TNRC18: variants seen among roughly 807,000 people sequenced by gnomAD.
The protein encoded by TNRC18 is trinucleotide repeat-containing gene 18 protein.
In TNRC18, 69 loss-of-function variants were observed where a neutral mutation model predicts 226.7. The ratio of observed to expected loss-of-function variants is 0.30; its 90% CI spans 0.25 to 0.37. The LOEUF (loss-of-function observed/expected upper bound fraction) is 0.37. Ranked by LOEUF, TNRC18 falls within the 10% of genes least tolerant of loss-of-function variation. The probability of loss-of-function intolerance (pLI) is 1.00; values close to 1 mark genes in which losing one functional copy is unlikely to be tolerated. For synonymous variants in TNRC18, 2,449 were observed against 1,927.6 expected (o/e 1.27, Z -7.09); for missense variants, 4,754 against 4,256.6 (o/e 1.12, Z -3.25).
Position 5,335,946 on chromosome 7 carries a change from C to G in TNRC18, c.5720-2897G>C, listed in dbSNP as rs112077506. On this transcript the variant is annotated intron_variant, in intron 18 of 29. Coordinates refer to ENST00000430969, the MANE Select transcript of TNRC18 (RefSeq NM_001080495.3). ...ACAAGGCCATTCACAGTGGCTCACA[C>G]CTATAATCCCAGCACTTTGGGAGGC... Among the ~76,000 whole-genome samples, 486 of 151,968 alleles carry G rather than the reference C, an allele frequency of 3.2e-3. 1 individual carries two copies. Among genetic ancestry groups the G allele is most frequent in the African/African-American group, 0.011 (475 of 41,464 alleles).
intron 2 of TNRC18, among the ~76,000 whole-genome samples, chr7:5,416,683 C>G (rs1782210556): frequency 6.6e-6 from 1 of 151,072 alleles, no homozygotes; most frequent in Non-Finnish European, 1.5e-5. Context: ...CGGTAAAACT[C>G]CGTCTCTACT....
intron 18 of TNRC18, among the ~76,000 whole-genome samples, chr7:5,336,979 C>CT (rs1489911598): frequency 6.6e-6 from 1 of 152,116 alleles, no homozygotes; most frequent in Non-Finnish European, 1.5e-5. Context: ...TCCTCAATAG[C>CT]TGAAATCTTC....
chr7:5,336,049 A>C lies in TNRC18; in HGVS notation c.5720-3000T>G, dbSNP rs113917585. Among the ~76,000 whole-genome samples, 348 of 152,118 alleles carry C rather than the reference A, an allele frequency of 2.3e-3. 2 individuals are homozygous for C. The highest frequency in any genetic ancestry group is 7.9e-3 in the African/African-American group (327 of 41,504). ...TGGCAAAACCCCATCTCTACAAAAA[A>C]TACAAAAATTATCTGGGCGTGGTGG... is the stretch of plus-strand genomic sequence containing the variant. On this transcript the variant is annotated intron_variant, in intron 18 of 29. Coordinates refer to ENST00000430969, the MANE Select transcript of TNRC18 (RefSeq NM_001080495.3).
Position 5,325,471 on chromosome 7 carries a change from T to C in TNRC18, c.6148-223A>G, listed in dbSNP as rs1583777878. ...CGGAGTCTCGCTCTGTCACCGAGGC[T>C]GGAGCGCAGTGGCGCGATCTTGGCT... On this transcript the variant is annotated intron_variant, in intron 19 of 29. Coordinates refer to ENST00000430969, the MANE Select transcript of TNRC18 (RefSeq NM_001080495.3). The C allele has an allele frequency of 1.0e-5, 5 of 492,406 alleles. No homozygotes were observed. In the East Asian group the frequency reaches 1.7e-4, roughly 16 times the overall value. 30.5% of individuals were successfully genotyped at this position (492,406 alleles called of 1,614,324 possible). A position where few individuals can be genotyped will look rare whatever the true frequency, so the allele number is the denominator to read the frequency against.
intron 27 of TNRC18, among the ~76,000 whole-genome samples, chr7:5,310,242 C>A (rs923608733): frequency 4.6e-5 from 7 of 151,794 alleles, no homozygotes; most frequent in South Asian, 2.1e-4. Flanking sequence ...TATTATTATT[C>A]TTTTTGAGAT....
chr7:5,345,517 G>GCCCACCC lies in TNRC18; in HGVS notation c.5719+44_5719+45insGGGTGGG. On this transcript the variant is annotated intron_variant, in intron 18 of 29. Coordinates refer to ENST00000430969, the MANE Select transcript of TNRC18 (RefSeq NM_001080495.3). ...CCTGTGGGATGGGGCAATGGCGTCCGCCCCTCCCACCCACCCCCACCGCAG... is the reference window on the plus strand; with the variant it reads ...CCTGTGGGATGGGGCAATGGCGTCCGCCCACCCCCCCTCCCACCCACCCCCACCGCAG... 9 of 377,744 alleles carry GCCCACCC rather than the reference G, an allele frequency of 2.4e-5. 1 individual carries two copies. The highest frequency in any genetic ancestry group is 8.8e-5 in the South Asian group (2 of 22,822). 23.4% of individuals were successfully genotyped at this position (377,744 alleles called of 1,614,324 possible). A position where few individuals can be genotyped will look rare whatever the true frequency, so the allele number is the denominator to read the frequency against.
Position 5,316,507 on chromosome 7 carries a change from G to A in TNRC18, c.6746-435C>T, listed in dbSNP as rs553426892. Among the ~76,000 whole-genome samples, 44 of 152,074 alleles carry A rather than the reference G, an allele frequency of 2.9e-4. No individual in the cohort carries two copies. The East Asian group carries it at 5.6e-3, about 19-fold the overall frequency. On this transcript the variant is annotated intron_variant, in intron 24 of 29. Coordinates refer to ENST00000430969, the MANE Select transcript of TNRC18 (RefSeq NM_001080495.3). ...TTGGTCAGGCTGGTCTCGAACTCCC[G>A]ACCTCAGGTGATCCGCCCACCTCAG...
chr7:5,368,947 A>C (rs962041142), intron 11 of TNRC18, among the ~76,000 whole-genome samples: 1 of 151,978 alleles, frequency 6.6e-6, no homozygotes, highest in Non-Finnish European at 1.5e-5. Flanking sequence ...CTCTTTGAGA[A>C]CTACCCTCCC....
intron 2 of TNRC18, among the ~76,000 whole-genome samples, chr7:5,404,820 GT>G (rs1407334460): frequency 7.3e-5 from 11 of 150,908 alleles, no homozygotes. Context: ...TCTCTAAAAA[GT>G]ATACAGAAAT....
intron 2 of TNRC18, chr7:5,420,752 C>G (rs1242788359): frequency 8.1e-6 from 5 of 619,124 alleles, no homozygotes; most frequent in Non-Finnish European, 1.5e-5. Flanking sequence ...TTTGAAAACT[C>G]CAGCCCAGGC....
chr7:5,350,083 C>T (rs953383051), intron 17 of TNRC18, among the ~76,000 whole-genome samples: 21 of 149,796 alleles, frequency 1.4e-4, no homozygotes, highest in African/African-American at 5.2e-4. Flanking sequence ...GCGGAAACCG[C>T]GGCTTTAAGG....
rs530013506 is a variant in TNRC18 at position 5,373,844 on chromosome 7, G to A, written c.3229+211C>T. 3.9e-5 allele frequency among the ~76,000 whole-genome samples: 6 copies of A among 152,212 alleles called. No individual in the cohort carries two copies. In the South Asian group the frequency reaches 1.2e-3, roughly 32 times the overall value. Reference sequence around the variant, plus strand: ...TTTCTAATATTACACCCATTTCCCTGACACTGCCGCTGAGGAGGGGCCGGG... The same window carrying A: ...TTTCTAATATTACACCCATTTCCCTAACACTGCCGCTGAGGAGGGGCCGGG... On this transcript the variant is annotated intron_variant, in intron 10 of 29. Coordinates refer to ENST00000430969, the MANE Select transcript of TNRC18 (RefSeq NM_001080495.3).
At position 5,389,125 on chromosome 7, in the gene TNRC18, C is replaced by T. The variant is rs772750893; in HGVS notation, c.699G>A (p.Ser233=). 1 of 1,320,884 alleles carries T rather than the reference C, an allele frequency of 7.6e-7. No homozygotes were observed. The highest frequency in any genetic ancestry group is 1.7e-5 in the South Asian group (1 of 59,394). The allele number at this position is 1,320,884 out of a possible 1,614,324, so 81.8% of individuals were successfully genotyped here. The change falls in exon 5 of 30, where the codon TCG becomes TCA. Residue 233 remains serine, a synonymous_variant. Coordinates refer to ENST00000430969, the MANE Select transcript of TNRC18 (RefSeq NM_001080495.3). ...TCAGGTCCACCACGCCCCGTGGCCC[C>T]GAGGCCTCCTCGCCCCGGGCGCGCG... ...KDPRARGEEA[S]GPRGVVDLTQ...
At chr7:5,347,694 C>T (rs1446988670) in intron 17 of TNRC18, among the ~76,000 whole-genome samples, 12 of 151,218 alleles carry the variant, frequency 7.9e-5, no homozygotes, top group East Asian at 6.0e-4. Flanking sequence ...CAGTGGCTCA[C>T]GCCTGTAATC....
rs749375543 is a variant in TNRC18 at position 5,361,752 on chromosome 7, C to T, written c.4533-30G>A. ...AAAAGAATCACACGCTTGGCTGTGA[C>T]GCTGGGGGGCGGGCGGGGCGCGGAG... On this transcript the variant is annotated intron_variant, in intron 13 of 29. Transcript: ENST00000430969. The T allele has an allele frequency of 1.7e-5, 26 of 1,554,266 alleles. No homozygotes were observed. In the Admixed American group the frequency reaches 2.1e-4, roughly 13 times the overall value.
intron 5 of TNRC18, 21 bp from the exon 6 acceptor site, chr7:5,378,045 G>A (rs2128182261): frequency 1.3e-6 from 2 of 1,598,164 alleles, no homozygotes; most frequent in East Asian, 2.2e-5. Flanking sequence ...CCAGGTGGAA[G>A]TGAGCCCCCA....
At chr7:5,354,197 C>A (rs546961584) in intron 16 of TNRC18, among the ~76,000 whole-genome samples, 1 of 152,048 alleles carries the variant, frequency 6.6e-6, no homozygotes, top group East Asian at 1.9e-4. Flanking sequence ...CAGCAAAACT[C>A]CATCTCAAAA....
intron 19 of TNRC18, 148 bp downstream of exon 19, chr7:5,332,474 G>A (rs1583803872): frequency 3.6e-6 from 3 of 830,482 alleles, no homozygotes; most frequent in African/African-American, 1.8e-5. Context: ...CTGTGGCTAA[G>A]TCCTAGCAGG....
intron 11 of TNRC18, among the ~76,000 whole-genome samples, chr7:5,365,531 C>T (rs972972625): frequency 6.6e-6 from 1 of 152,192 alleles, no homozygotes; most frequent in Non-Finnish European, 1.5e-5. Flanking sequence ...AATACTCCCC[C>T]TACCCTCCAG....
Sources: allele counts gnomAD v4.1 joint callset (sites outside exome capture counted in the v4.1 genomes callset), GRCh38; gene constraint gnomAD v4.1.1; transcripts MANE v1.5; gene names NCBI Gene and HGNC (gene_info 2026-07-23, HGNC 2026-07-21).